Variants in CIMIP5 observed in about 807,000 individuals in gnomAD.
The protein encoded by CIMIP5 is ciliary microtubule inner protein 5.
the CIMIP5 span, among the ~76,000 whole-genome samples, chr2:11,141,764 AT>A: frequency 6.6e-6 from 1 of 152,282 alleles, no homozygotes. Context: ...ACCTGGACCC[AT>A]GAGTTCAAGA....
the CIMIP5 span, among the ~76,000 whole-genome samples, chr2:11,146,945 T>C: frequency 6.6e-6 from 1 of 152,120 alleles, no homozygotes; most frequent in Admixed American, 6.5e-5. Flanking sequence ...AGATTTCCAT[T>C]TGAGGGAGGG....
At chr2:11,148,732 C>CTTTTTTTTTTTTTTTTTTT in the CIMIP5 span, among the ~76,000 whole-genome samples, 1 of 35,540 alleles carries the variant, frequency 2.8e-5, no homozygotes, top group African/African-American at 5.6e-5. Flanking sequence ...AATGAAAACT[C>CTTTTTTTTTTTTTTTTTTT]TTTTTTTTTT....
the CIMIP5 span, chr2:11,133,731 C>A: frequency 7.4e-7 from 1 of 1,359,048 alleles, no homozygotes; most frequent in Non-Finnish European, 9.7e-7. Flanking sequence ...GAAGGTGGGT[C>A]ACCAGCCCAG....
the CIMIP5 span, among the ~76,000 whole-genome samples, chr2:11,148,263 A>G: frequency 5.9e-5 from 9 of 151,884 alleles, no homozygotes; most frequent in Admixed American, 5.3e-4. Context: ...GATTACAAGC[A>G]TGCACCACCA....
chr2:11,150,494 G>A, the CIMIP5 span, among the ~76,000 whole-genome samples: 3 of 151,514 alleles, frequency 2.0e-5, no homozygotes, highest in Non-Finnish European at 4.4e-5. Flanking sequence ...CACCATGCCC[G>A]GCTAATTTTT....
chr2:11,145,225 T>C, the CIMIP5 span: 1 of 151,998 alleles, frequency 6.6e-6, no homozygotes, highest in Admixed American at 6.6e-5. Context: ...CTTCAGGTGA[T>C]CCGCCTGCCT....
chr2:11,147,842 GA>G, the CIMIP5 span, among the ~76,000 whole-genome samples: 1 of 152,094 alleles, frequency 6.6e-6, no homozygotes, highest in African/African-American at 2.4e-5. Flanking sequence ...CACCCACTGG[GA>G]GCCCAGAAAA....
chr2:11,150,764 A>G, the CIMIP5 span, among the ~76,000 whole-genome samples: 14 of 152,064 alleles, frequency 9.2e-5, no homozygotes, highest in Non-Finnish European at 2.9e-5. Context: ...ATTCCTGAAT[A>G]AGATGGCTAT....
chr2:11,149,500 G>C, the CIMIP5 span, among the ~76,000 whole-genome samples: 8 of 152,234 alleles, frequency 5.3e-5, no homozygotes, highest in South Asian at 1.5e-3. Flanking sequence ...GAGCTCAGGA[G>C]TTTGAGACCA....
chr2:11,137,946 C>T, the CIMIP5 span, among the ~76,000 whole-genome samples: 3 of 152,274 alleles, frequency 2.0e-5, no homozygotes, highest in East Asian at 5.8e-4. Flanking sequence ...CCCGGGTTCA[C>T]GCCATTCTCC....
chr2:11,137,439 TAACTG>T, the CIMIP5 span, among the ~76,000 whole-genome samples: 2 of 152,106 alleles, frequency 1.3e-5, no homozygotes, highest in Non-Finnish European at 2.9e-5. Context: ...ATATAAGACA[TAACTG>T]AAGTGAGACT....
At chr2:11,149,540 T>A in the CIMIP5 span, among the ~76,000 whole-genome samples, 2 of 152,034 alleles carry the variant, frequency 1.3e-5, no homozygotes, top group Admixed American at 6.6e-5. Flanking sequence ...ACCGCATCTC[T>A]GCTAAAAATA....
the CIMIP5 span, among the ~76,000 whole-genome samples, chr2:11,147,776 C>T: frequency 6.8e-6 from 1 of 146,458 alleles, no homozygotes; most frequent in Non-Finnish European, 1.5e-5. Flanking sequence ...ACCCTCTGCT[C>T]CTTGCCACAT....
the CIMIP5 span, chr2:11,133,283 C>G: frequency 2.7e-6 from 1 of 365,264 alleles, no homozygotes; most frequent in Non-Finnish European, 3.9e-6. Flanking sequence ...AGGCACAGGT[C>G]TCTCTCTCTC....
chr2:11,142,814 G>A, the CIMIP5 span, among the ~76,000 whole-genome samples: 1 of 150,624 alleles, frequency 6.6e-6, no homozygotes, highest in Non-Finnish European at 1.5e-5. Context: ...CAACCTCCTG[G>A]GCTCTAGTGA....
the CIMIP5 span, among the ~76,000 whole-genome samples, chr2:11,141,432 C>T: frequency 6.6e-6 from 1 of 152,038 alleles, no homozygotes; most frequent in African/African-American, 2.4e-5. Context: ...CCAGCCCCCA[C>T]AACACTCTTT....
chr2:11,140,374 TAAAAAAAAAAAAAA>T, the CIMIP5 span: 9 of 280,420 alleles, frequency 3.2e-5, no homozygotes, highest in African/African-American at 2.4e-4. Flanking sequence ...GCCTCCGTCT[TAAAAAAAAAAAAAA>T]AAAAAAAAAA....
At chr2:11,140,082 C>G in the CIMIP5 span, among the ~76,000 whole-genome samples, 2,149 of 71,938 alleles carry the variant, frequency 0.03, 29 homozygotes, top group African/African-American at 0.064. Flanking sequence ...GCGAGACTCC[C>G]TCTCAAAAAA....
At chr2:11,148,791 G>A in the CIMIP5 span, among the ~76,000 whole-genome samples, 3 of 137,034 alleles carry the variant, frequency 2.2e-5, no homozygotes, top group South Asian at 2.3e-4. Context: ...GCTGGAGTGC[G>A]ATAGTGCGAT....
Sources: gnomAD v4.1 joint callset for allele counts (sites outside exome capture counted in the v4.1 genomes callset) on GRCh38, gnomAD v4.1.1 for gene constraint, MANE v1.5 for transcripts, NCBI Gene and HGNC (gene_info 2026-07-23, HGNC 2026-07-21) for gene names.